The following BEND2 variants were observed in gnomAD, a reference collection of about 807,000 sequenced individuals.
BEND2 encodes the protein BEN domain-containing protein 2.
In BEND2, 19 loss-of-function variants were observed where a neutral mutation model predicts 43.8. That is an observed-to-expected ratio of 0.43 (90% CI 0.30 to 0.64). The LOEUF (loss-of-function observed/expected upper bound fraction) is 0.64. Among genes scored for constraint, BEND2 ranks in the 30% least tolerant of loss-of-function variants. The pLI is 0.11. For synonymous variants in BEND2, 226 were observed against 210.1 expected, an observed-to-expected ratio of 1.08 and a Z score of -0.66; for missense variants, 544 against 574.0, an observed-to-expected ratio of 0.95 and a Z score of 0.53.
At chrX:18,198,520 G>GTT (rs1487514512) in intron 6 of BEND2, among the ~76,000 whole-genome samples, 1 of 111,549 alleles carries the variant, frequency 9.0e-6, no homozygotes, top group Non-Finnish European at 1.9e-5. Context: ...TCTCACACCA[G>GTT]TTAGAATGGC....
At chrX:18,168,480 G>A (rs1923879988) in intron 13 of BEND2, among the ~76,000 whole-genome samples, 1 of 112,028 alleles carries the variant, frequency 8.9e-6, no homozygotes, top group African/African-American at 3.2e-5. Flanking sequence ...TCAAGCCCAG[G>A]GGAGGTGACT....
intron 7 of BEND2, among the ~76,000 whole-genome samples, chrX:18,195,008 A>C (rs866349655): frequency 9.4e-6 from 1 of 105,927 alleles, no homozygotes; most frequent in African/African-American, 3.7e-5. Flanking sequence ...CACACACACA[A>C]ATAAATACAA....
rs1923757236 is a variant in BEND2, at chrX:18,163,988, T to C, written c.*1021A>G. 9.0e-6 allele frequency: 1 copy of C among 110,643 alleles called. No homozygotes were observed. Among genetic ancestry groups the C allele is most frequent in the Non-Finnish European group, 1.9e-5 (1 of 52,741 alleles). 9.1% of individuals were successfully genotyped at this position (110,643 alleles called of 1,213,427 possible). Reference sequence around the variant, plus strand: ...AAGCCTTTTTGCCCTTTATGGAAGATTTTTTTTTATGCAAGATTTTTTTAA... The same window carrying C: ...AAGCCTTTTTGCCCTTTATGGAAGACTTTTTTTTATGCAAGATTTTTTTAA... On this transcript the variant is annotated 3_prime_UTR_variant, in exon 14 of 14. Coordinates refer to ENST00000380033, the MANE Select transcript of BEND2 (RefSeq NM_153346.5).
chrX:18,220,842 G>A lies in BEND2; in HGVS notation c.-92C>T. 1.0e-6 allele frequency: 1 copy of A among 996,305 alleles called. No individual in the cohort carries two copies. Among genetic ancestry groups the A allele is most frequent in the Non-Finnish European group, 1.4e-6 (1 of 723,019 alleles). The allele number at this position is 996,305 out of a possible 1,213,427, so 82.1% of individuals were successfully genotyped here. A position where few individuals can be genotyped will look rare whatever the true frequency, so the allele number is the denominator to read the frequency against. ...CGCCGCGGCTCTGAGGTAACTGCTT[G>A]GTAACTGTGTGGTAACTGCGTACAC... On this transcript the variant is annotated 5_prime_UTR_variant, in exon 1 of 14. Transcript: ENST00000380033.
chrX:18,189,274 A>T (rs1358623701), intron 8 of BEND2, among the ~76,000 whole-genome samples: 1 of 110,253 alleles, frequency 9.1e-6, no homozygotes, highest in African/African-American at 3.3e-5. Flanking sequence ...TTGGGAGGCC[A>T]AGGCGGGAAG....
chrX:18,202,980 A>C (rs1925214085), intron 5 of BEND2, among the ~76,000 whole-genome samples: 1 of 111,828 alleles, frequency 8.9e-6, no homozygotes, highest in Non-Finnish European at 1.9e-5. Context: ...AACTTGGTTG[A>C]GTCTCCAGGG....
In BEND2 at chrX:18,164,976, T is replaced by C. The variant is rs1355083414; in HGVS notation, c.*33A>G. ...GAAACTTACAAAATAGTCTTAACAGTTAAAAAAAAAAAAAAAGTTTGGCAG... is the reference window on the plus strand; with the variant it reads ...GAAACTTACAAAATAGTCTTAACAGCTAAAAAAAAAAAAAAAGTTTGGCAG... On this transcript the variant is annotated 3_prime_UTR_variant, in exon 14 of 14. Transcript: ENST00000380033. The C allele has an allele frequency of 4.4e-6, 5 of 1,124,728 alleles. No homozygotes were observed. Among genetic ancestry groups the C allele is most frequent in the Non-Finnish European group, 6.0e-6 (5 of 838,855 alleles). 92.7% of individuals were successfully genotyped at this position (1,124,728 alleles called of 1,213,427 possible).
chrX:18,192,712 G>T (rs1924811347), intron 7 of BEND2, among the ~76,000 whole-genome samples: 1 of 112,415 alleles, frequency 8.9e-6, no homozygotes, highest in African/African-American at 3.2e-5. Context: ...CTTCCAATGG[G>T]TGAATGAATA....
rs1323717738 is a variant in BEND2, at chrX:18,220,752, G to A, written c.-2C>T. 8 of 1,208,516 alleles carry A rather than the reference G, an allele frequency of 6.6e-6. No individual in the cohort carries two copies. Among genetic ancestry groups the A allele is most frequent in the Admixed American group, 6.6e-5 (3 of 45,762 alleles). On this transcript the variant is annotated 5_prime_UTR_variant, in exon 1 of 14. The change creates a new upstream start codon in the 5' untranslated region. Transcript: ENST00000380033. Reference sequence around the variant, plus strand: ...CTGTTCCTGGGTCCTCTCTGACATCGTGAGATGGCGGGGTCTGGCTCTGAG... The same window carrying A: ...CTGTTCCTGGGTCCTCTCTGACATCATGAGATGGCGGGGTCTGGCTCTGAG...
chrX:18,166,815 G>A (rs914007042), intron 13 of BEND2, among the ~76,000 whole-genome samples: 6 of 110,214 alleles, frequency 5.4e-5, no homozygotes, highest in African/African-American at 1.6e-4. Flanking sequence ...ACCTGAGCCC[G>A]GGAAGTCGAG....
intron 1 of BEND2, among the ~76,000 whole-genome samples, chrX:18,217,888 C>T (rs1925719923): frequency 1.8e-5 from 2 of 108,629 alleles, no homozygotes; most frequent in Non-Finnish European, 3.8e-5. Flanking sequence ...CGAGACCAAC[C>T]TGGGCAACAT....
intron 8 of BEND2, among the ~76,000 whole-genome samples, chrX:18,187,276 C>T (rs1050045397): frequency 1.8e-5 from 2 of 111,217 alleles, no homozygotes; most frequent in Non-Finnish European, 3.8e-5. Context: ...TAAAGATACG[C>T]TGAAAATAAA....
Position 18,171,128 on chromosome X carries a change from T to C in BEND2, c.2058A>G (p.Ala686=). 1 of 1,209,046 alleles carries C rather than the reference T, an allele frequency of 8.3e-7. No homozygotes were observed. The highest frequency in any genetic ancestry group is 1.1e-6 in the Non-Finnish European group (1 of 892,682). The change falls in exon 13 of 14, where the codon GCA becomes GCG. Residue 686 remains alanine (A), a synonymous_variant. Transcript: ENST00000380033. ...GAATAAGGTATCTAGCCGACAGGCTTGCGCAAGACTTAGTTTTTGCCAAAG... is the reference window on the plus strand; with the variant it reads ...GAATAAGGTATCTAGCCGACAGGCTCGCGCAAGACTTAGTTTTTGCCAAAG... ...VLTLAKTKSC[A]SLSARYLIQK... is the part of the protein sequence containing the mutation.
At chrX:18,185,712 C>A (rs1417412275) in intron 8 of BEND2, among the ~76,000 whole-genome samples, 1 of 109,712 alleles carries the variant, frequency 9.1e-6, no homozygotes, top group Non-Finnish European at 1.9e-5. Flanking sequence ...ACAAAAGGAT[C>A]CTAAAAGCAG....
At chrX:18,171,283 G>C in intron 12 of BEND2, 79 bp from the exon 13 acceptor site, 1 of 1,030,810 alleles carries the variant, frequency 9.7e-7, no homozygotes, top group Non-Finnish European at 1.3e-6. Flanking sequence ...AAACAGAAAC[G>C]TTGATTTTTC....
intron 1 of BEND2, among the ~76,000 whole-genome samples, chrX:18,218,999 C>T (rs907244499): frequency 2.7e-5 from 3 of 112,230 alleles, no homozygotes; most frequent in African/African-American, 6.5e-5. Context: ...CTTTTCACGC[C>T]GGGACCACTT....
In BEND2 at chrX:18,213,821, A is replaced by G; in HGVS notation, c.329T>C (p.Leu110Pro). ...QPLGLKQFFH[L>P]SLPSSWDDRR... The stretch of plus-strand genomic sequence containing the variant: ...GTCATCCCAGCTACTGGGAAGGCTG[A>G]GGTGGAAGAATTGCTTGAGTCCAAG... The change falls in exon 3 of 14, where the codon CTC becomes CCC. Residue 110 changes from leucine to proline, a missense_variant. By Grantham distance (98) the Leu-to-Pro change is moderately conservative (BLOSUM62 -3). Coordinates refer to ENST00000380033, the MANE Select transcript of BEND2 (RefSeq NM_153346.5). The G allele has an allele frequency of 5.8e-6, 1 of 172,910 alleles. No individual in the cohort carries two copies. Among genetic ancestry groups the G allele is most frequent in the Non-Finnish European group, 1.1e-5 (1 of 87,987 alleles). 14.2% of individuals were successfully genotyped at this position (172,910 alleles called of 1,213,427 possible).
intron 1 of BEND2, among the ~76,000 whole-genome samples, chrX:18,219,425 A>C (rs982422365): frequency 1.9e-4 from 21 of 112,724 alleles, no homozygotes; most frequent in South Asian, 7.3e-4. Flanking sequence ...GGATCTCCCA[A>C]CTTCCGCCTC....
At chrX:18,198,725 T>A (rs1925041880) in intron 6 of BEND2, among the ~76,000 whole-genome samples, 1 of 110,295 alleles carries the variant, frequency 9.1e-6, no homozygotes. Flanking sequence ...GGACTATAAA[T>A]CATGCTGCTA....
Sources: gnomAD v4.1 joint callset for allele counts (sites outside exome capture counted in the v4.1 genomes callset) on GRCh38, gnomAD v4.1.1 for gene constraint, MANE v1.5 for transcripts, NCBI Gene and HGNC (gene_info 2026-07-23, HGNC 2026-07-21) for gene names.